The following DCC variants were observed in gnomAD, a reference collection of about 807,000 sequenced individuals.
The protein encoded by DCC is DCC netrin 1 receptor.
Under a neutral mutation model 172.5 loss-of-function variants are expected in DCC, and 58 were observed. That is an observed-to-expected ratio of 0.34 (90% CI 0.27 to 0.42). DCC has a LOEUF of 0.42. Ranked by LOEUF, DCC falls within the 10% of genes least tolerant of loss-of-function variation. The pLI, the probability that DCC is intolerant of heterozygous loss-of-function variation, is 1.00. For synonymous variants in DCC, 709 were observed against 644.5 expected (o/e 1.10, Z -1.52); for missense variants, 1,740 against 1,791.0 (o/e 0.97, Z 0.51).
At chr18:52,582,232 A>G (rs1030949346) in intron 1 of DCC, among the ~76,000 whole-genome samples, 1 of 152,212 alleles carries the variant, frequency 6.6e-6, no homozygotes, top group African/African-American at 2.4e-5. Context: ...AAGGTAGCTA[A>G]TTAATGAAGG....
intron 16 of DCC, among the ~76,000 whole-genome samples, chr18:53,387,648 G>T (rs1401319828): frequency 6.6e-6 from 1 of 152,128 alleles, no homozygotes; most frequent in East Asian, 1.9e-4. Context: ...TTATTCCCTT[G>T]CTCTGCTAGC....
chr18:52,652,917 G>T (rs1343156567), intron 1 of DCC, among the ~76,000 whole-genome samples: 2 of 152,036 alleles, frequency 1.3e-5, no homozygotes. Context: ...AGCTTGCTTA[G>T]GTTCTGAGGA....
At chr18:52,351,135 T>C (rs1984101703) in intron 1 of DCC, among the ~76,000 whole-genome samples, 1 of 151,494 alleles carries the variant, frequency 6.6e-6, no homozygotes, top group African/African-American at 2.4e-5. Context: ...GAAGGGGATA[T>C]TTAGGAGGGG....
At position 52,504,119 on chromosome 18, in the gene DCC, C is replaced by T. The variant is rs2031133334; in HGVS notation, c.91+163241C>T. ...CCTTCTTTCCCACCCCTTCCAGCTT[C>T]CCGTTCAAAGAGGATGCGTTGGGGA... On this transcript the variant is annotated intron_variant, in intron 1 of 28. Transcript: ENST00000442544. Among the ~76,000 whole-genome samples, 4 of 152,232 alleles carry T rather than the reference C, an allele frequency of 2.6e-5. No individual in the cohort carries two copies. In the South Asian group the frequency reaches 8.3e-4, roughly 32 times the overall value.
chr18:52,902,977 G>T (rs1031961638), intron 2 of DCC, among the ~76,000 whole-genome samples: 2 of 152,154 alleles, frequency 1.3e-5, no homozygotes, highest in African/African-American at 4.8e-5. Flanking sequence ...ATCACAGAGT[G>T]CATGCAATTC....
rs2031971427 is a variant in DCC, at chr18:52,526,055, G to A, written c.91+185177G>A. Among the ~76,000 whole-genome samples the A allele has an allele frequency of 1.3e-5, 2 of 152,140 alleles. 1 individual carries two copies. The highest frequency in any genetic ancestry group is 4.2e-4 in the South Asian group (2 of 4,816). On this transcript the variant is annotated intron_variant, in intron 1 of 28. Coordinates refer to ENST00000442544, the MANE Select transcript of DCC (RefSeq NM_005215.4). ...CTAACTTAAATTTAGAATTCAAGAT[G>A]CATTCATTCTTCTTTTCTAAAAGTT...
At chr18:52,400,371 G>T in intron 1 of DCC, among the ~76,000 whole-genome samples, 1 of 151,992 alleles carries the variant, frequency 6.6e-6, no homozygotes, top group Middle Eastern at 3.4e-3. Context: ...ATATTTTAAG[G>T]AATCAGTTCA....
chr18:53,066,371 ATATATATATATATATATATATATATATG>A (rs1204510928), intron 7 of DCC, among the ~76,000 whole-genome samples: 3 of 60,464 alleles, frequency 5.0e-5, no homozygotes, highest in Non-Finnish European at 5.7e-5. Context: ...ATATATATAT[ATATATATATATATATATATATATATATG>A]TGCATGTGTG....
chr18:53,121,800 A>G (rs981180751), intron 7 of DCC, among the ~76,000 whole-genome samples: 7 of 151,968 alleles, frequency 4.6e-5, no homozygotes, highest in Admixed American at 3.9e-4. Flanking sequence ...ATTACAAACC[A>G]GAGAAGTTAA....
intron 7 of DCC, among the ~76,000 whole-genome samples, chr18:53,126,912 A>T (rs1436737972): frequency 2.0e-5 from 3 of 152,080 alleles, no homozygotes; most frequent in Non-Finnish European, 4.4e-5. Context: ...ATTTTATCAC[A>T]CACCCAGTAC....
Position 53,459,460 on chromosome 18 carries a change from T to C in DCC, c.3619+2T>C, listed in dbSNP as rs1256863738. 1.3e-6 allele frequency: 2 copies of C among 1,585,126 alleles called. No homozygotes were observed. Among genetic ancestry groups the C allele is most frequent in the South Asian group, 1.1e-5 (1 of 90,496 alleles). On this transcript the variant is annotated splice_donor_variant, in intron 24 of 28. Coordinates refer to ENST00000442544, the MANE Select transcript of DCC (RefSeq NM_005215.4). LOFTEE classifies it high-confidence loss of function. ...GAAGCAAAAGCACCTCTCATTCAGG[T>C]AATTATCTTTTCACTGGCATTAGGG...
chr18:52,452,456 A>G (rs995592881), intron 1 of DCC, among the ~76,000 whole-genome samples: 3 of 152,098 alleles, frequency 2.0e-5, no homozygotes, highest in African/African-American at 7.2e-5. Flanking sequence ...ATCGTCCTTG[A>G]TATTCGAGGG....
intron 1 of DCC, among the ~76,000 whole-genome samples, chr18:52,401,311 A>G (rs1485109584): frequency 6.6e-6 from 1 of 152,002 alleles, no homozygotes; most frequent in Non-Finnish European, 1.5e-5. Context: ...ACATAGCAGA[A>G]TAACTTTCCA....
intron 12 of DCC, among the ~76,000 whole-genome samples, chr18:53,298,443 AC>A (rs1265043277): frequency 6.8e-6 from 1 of 147,112 alleles, no homozygotes; most frequent in African/African-American, 2.5e-5. Context: ...TGGAAGGATC[AC>A]TTGAACCTGA....
At chr18:52,868,053 A>ATATATATGTGTGTGTG (rs61579666) in intron 2 of DCC, among the ~76,000 whole-genome samples, 5 of 144,324 alleles carry the variant, frequency 3.5e-5, no homozygotes, top group African/African-American at 1.3e-4. Flanking sequence ...ATATATATAT[A>ATATATATGTGTGTGTG]TGTGTGTGTG....
At chr18:52,492,447 G>C (rs60764487) in intron 1 of DCC, among the ~76,000 whole-genome samples, 2 of 151,926 alleles carry the variant, frequency 1.3e-5, no homozygotes, top group African/African-American at 4.8e-5. Context: ...GAGATGTGGA[G>C]TGAGTGGCCT....
intron 2 of DCC, among the ~76,000 whole-genome samples, chr18:52,775,934 T>G (rs2037423693): frequency 6.6e-6 from 1 of 152,198 alleles, no homozygotes; most frequent in South Asian, 2.1e-4. Flanking sequence ...CCCCTTCATT[T>G]AAAGGGTCTT....
intron 1 of DCC, among the ~76,000 whole-genome samples, chr18:52,510,449 C>G (rs1190687005): frequency 6.6e-6 from 1 of 152,168 alleles, no homozygotes; most frequent in Non-Finnish European, 1.5e-5. Context: ...CCTTGCCTAA[C>G]TTAACTGATG....
chr18:52,933,052 T>C (rs2145506104), intron 5 of DCC, among the ~76,000 whole-genome samples: 1 of 152,240 alleles, frequency 6.6e-6, no homozygotes, highest in African/African-American at 2.4e-5. Flanking sequence ...ATTATTGTTT[T>C]GTAAGATAGC....
Sources: gnomAD v4.1 joint callset for allele counts (sites outside exome capture counted in the v4.1 genomes callset) on GRCh38, gnomAD v4.1.1 for gene constraint, MANE v1.5 for transcripts, NCBI Gene and HGNC (gene_info 2026-07-23, HGNC 2026-07-21) for gene names.